The following LRSAM1 variants were observed in gnomAD, a reference collection of about 807,000 sequenced individuals.
LRSAM1 encodes leucine rich repeat and sterile alpha motif containing 1, also known as E3 ubiquitin-protein ligase LRSAM1.
LRSAM1 carries 96 observed loss-of-function variants against 118.1 expected under a neutral mutation model. The ratio of observed to expected loss-of-function variants is 0.81; its 90% CI spans 0.69 to 0.96. The LOEUF (loss-of-function observed/expected upper bound fraction) is 0.96, where lower values mean the gene tolerates loss of function less well. Ranked by LOEUF, LRSAM1 falls within the 40% of genes least tolerant of loss-of-function variation. The pLI is 0.00. For missense variants in LRSAM1, 804 were observed against 915.5 expected (o/e 0.88, Z 1.57); for synonymous variants, 322 against 364.2 (o/e 0.88, Z 1.32).
Position 127,458,419 on chromosome 9 carries a change from CA to C in LRSAM1, c.253-575del, listed in dbSNP as rs1428696050. Among the ~76,000 whole-genome samples, 144 of 141,404 alleles carry C rather than the reference CA, an allele frequency of 1.0e-3. 6 individuals are homozygous for C. The highest frequency in any genetic ancestry group is 8.1e-3 in the South Asian group (36 of 4,466). The allele number at this position is 141,404 out of a possible 152,430, so 92.8% of individuals were successfully genotyped here. Reference sequence around the variant, plus strand: ...CAAAACAAAACAAAACAAAACAAAACAAAAAAAAACACCAGCAGAGCATGTT... The same window carrying C: ...CAAAACAAAACAAAACAAAACAAAACAAAAAAAACACCAGCAGAGCATGTT... On this transcript the variant is annotated intron_variant, in intron 6 of 25. Transcript: ENST00000300417.
chr9:127,454,459 A>G, intron 2 of LRSAM1, 37 bp from the exon 3 acceptor site: 1 of 1,557,498 alleles, frequency 6.4e-7, no homozygotes, highest in Non-Finnish European at 8.8e-7. Flanking sequence ...GGGCTGTGAC[A>G]AATTCCCCAG....
chr9:127,502,312 C>T (rs572804990), intron 25 of LRSAM1, among the ~76,000 whole-genome samples: 5 of 152,298 alleles, frequency 3.3e-5, no homozygotes, highest in South Asian at 4.1e-4. Flanking sequence ...TTACCTGTTT[C>T]GGCCGTGCCT....
chr9:127,497,024 C>A lies in LRSAM1; in HGVS notation c.1831-229C>A, dbSNP rs574196183. 2.6e-5 allele frequency among the ~76,000 whole-genome samples: 4 copies of A among 152,376 alleles called. No homozygotes were observed. The East Asian group carries it at 7.7e-4, about 29-fold the overall frequency. On this transcript the variant is annotated intron_variant, in intron 23 of 25. Coordinates refer to ENST00000300417, the MANE Select transcript of LRSAM1 (RefSeq NM_001005373.4). ...TTCCCTTTGGGCCTCAGTTTCCCCC[C>A]AACCCCTGCCACACTGATTGTTGGG...
chr9:127,472,084 C>T (rs1464118976), intron 10 of LRSAM1, among the ~76,000 whole-genome samples: 1 of 150,206 alleles, frequency 6.7e-6, no homozygotes, highest in Admixed American at 6.6e-5. Context: ...GCCTCAGCCT[C>T]CTGAGTAGCT....
intron 5 of LRSAM1, among the ~76,000 whole-genome samples, chr9:127,456,198 AGAGTAGT>A (rs1255227064): frequency 6.7e-6 from 1 of 148,658 alleles, no homozygotes; most frequent in Non-Finnish European, 1.5e-5. Context: ...CCCTGCCAAC[AGAGTAGT>A]GAGCTCCTTG....
chr9:127,459,139 G>T, intron 7 of LRSAM1, 68 bp downstream of exon 7: 1 of 1,492,574 alleles, frequency 6.7e-7, no homozygotes. Flanking sequence ...CTCAAGCCTG[G>T]AATGTTCTGG....
Position 127,457,321 on chromosome 9 carries a change from G to A in LRSAM1, c.180G>A (p.Leu60=), listed in dbSNP as rs1411147609. ...ATCKVLQKKV[L]IVHTNHLTSL... is the part of the protein sequence containing the mutation. ...CCGCACATCTCTCCACACAGGTGCT[G>A]ATCGTCCACACGAATCACCTCACTT... The change falls in exon 6 of 26, where the codon CTG becomes CTA. Residue 60 remains leucine (L), a synonymous_variant. Transcript: ENST00000300417. The A allele has an allele frequency of 1.9e-6, 3 of 1,614,118 alleles. No homozygotes were observed. Among genetic ancestry groups the A allele is most frequent in the Non-Finnish European group, 1.7e-6 (2 of 1,180,040 alleles).
intron 24 of LRSAM1, among the ~76,000 whole-genome samples, chr9:127,500,358 C>CAAAAAAAAAAAA (rs563842364): frequency 0.28 from 25,339 of 91,560 alleles, 6,006 homozygotes; most frequent in Non-Finnish European, 0.35. Context: ...GAGACTGTCT[C>CAAAAAAAAAAAA]AAAAAAAAAA....
chr9:127,476,015 C>G (rs139423667), intron 11 of LRSAM1, among the ~76,000 whole-genome samples: 1 of 152,224 alleles, frequency 6.6e-6, no homozygotes, highest in Non-Finnish European at 1.5e-5. Flanking sequence ...GCTGGGATTA[C>G]AGGTGTGAGC....
chr9:127,499,596 G>A (rs965847339), intron 24 of LRSAM1, among the ~76,000 whole-genome samples: 32 of 151,790 alleles, frequency 2.1e-4, no homozygotes, highest in African/African-American at 7.5e-4. Context: ...GGGAAGCACT[G>A]ATAGCCTTAG....
intron 19 of LRSAM1, among the ~76,000 whole-genome samples, chr9:127,490,460 G>A (rs949579398): frequency 6.6e-6 from 1 of 152,020 alleles, no homozygotes; most frequent in Non-Finnish European, 1.5e-5. Context: ...CCCCTGCCCA[G>A]GGCTAAAATC....
chr9:127,461,938 C>T (rs932168175), intron 8 of LRSAM1, among the ~76,000 whole-genome samples: 17 of 152,230 alleles, frequency 1.1e-4, no homozygotes, highest in Non-Finnish European at 1.5e-4. Context: ...GGGCCCTGTG[C>T]GGAGGACCTC....
chr9:127,495,337 A>C lies in LRSAM1; in HGVS notation c.1617A>C (p.Lys539Asn), dbSNP rs2132110290. ...CCTGGCAGACGGAGTTAGAAGCCAA[A>C]AGTGAAACCAGGCAGGAAAATTACT... ...LREILTELEA[K>N]SETRQENYWL... The change falls in exon 22 of 26, where the codon AAA becomes AAC. Residue 539 changes from lysine to asparagine, a missense_variant. Transcript: ENST00000300417. 1.9e-6 allele frequency: 3 copies of C among 1,614,060 alleles called. No individual in the cohort carries two copies. The highest frequency in any genetic ancestry group is 2.5e-6 in the Non-Finnish European group (3 of 1,179,974).
intron 9 of LRSAM1, among the ~76,000 whole-genome samples, chr9:127,462,737 C>G (rs573800234): frequency 1.3e-5 from 2 of 151,826 alleles, no homozygotes; most frequent in Admixed American, 1.3e-4. Flanking sequence ...GGCTTCAAAC[C>G]TGGGTGATGG....
Position 127,490,246 on chromosome 9 carries a change from T to TTTTCTTTC in LRSAM1, c.1422+752_1422+759dup, listed in dbSNP as rs146824383. Reference sequence around the variant, plus strand: ...TTGCATGGTTTTTTTCTTTCTCTATTTTTCTTTCTTTCTTTCTTTCTTTCT... The same window carrying TTTTCTTTC: ...TTGCATGGTTTTTTTCTTTCTCTATTTTTCTTTCTTTCTTTCTTTCTTTCTTTCTTTCT... On this transcript the variant is annotated intron_variant, in intron 19 of 25. Coordinates refer to ENST00000300417, the MANE Select transcript of LRSAM1 (RefSeq NM_001005373.4). 7.3e-3 allele frequency among the ~76,000 whole-genome samples: 1,101 copies of TTTTCTTTC among 150,374 alleles called. 10 individuals are homozygous for TTTTCTTTC. The highest frequency in any genetic ancestry group is 0.024 in the African/African-American group (992 of 40,836).
intron 9 of LRSAM1, 102 bp from the exon 10 acceptor site, chr9:127,467,638 C>T (rs1835006520): frequency 8.8e-7 from 1 of 1,131,440 alleles, no homozygotes; most frequent in Non-Finnish European, 1.3e-6. Flanking sequence ...GCCATTCCTG[C>T]TGGGTAGAGG....
intron 9 of LRSAM1, 59 bp from the exon 10 acceptor site, chr9:127,467,681 G>A (rs1278032122): frequency 1.2e-5 from 18 of 1,470,816 alleles, no homozygotes; most frequent in Admixed American, 7.7e-5. Flanking sequence ...TAAGGAAATC[G>A]TGTGGTCTCC....
At chr9:127,453,083 A>G (rs193249748) in intron 2 of LRSAM1, among the ~76,000 whole-genome samples, 6 of 152,080 alleles carry the variant, frequency 3.9e-5, no homozygotes, top group African/African-American at 1.4e-4. Flanking sequence ...TTATTTATTT[A>G]TTTATTATTA....
At chr9:127,476,819 C>T (rs1299417707) in intron 11 of LRSAM1, among the ~76,000 whole-genome samples, 1 of 152,038 alleles carries the variant, frequency 6.6e-6, no homozygotes, top group African/African-American at 2.4e-5. Flanking sequence ...GGATTACAGG[C>T]ACCTGCCACC....
Sources: gnomAD v4.1 joint callset for allele counts (sites outside exome capture counted in the v4.1 genomes callset) on GRCh38, gnomAD v4.1.1 for gene constraint, MANE v1.5 for transcripts, NCBI Gene and HGNC (gene_info 2026-07-23, HGNC 2026-07-21) for gene names.